PXMP2: variants seen among roughly 807,000 people sequenced by gnomAD.
PXMP2 encodes 22 kDa peroxisomal membrane protein.
Under a neutral mutation model 20.2 loss-of-function variants are expected in PXMP2, and 13 were observed. The observed-to-expected ratio is 0.64, with a 90% CI of 0.42 to 1.02. The LOEUF (loss-of-function observed/expected upper bound fraction) is 1.02. Among genes scored for constraint, PXMP2 ranks in the 50% least tolerant of loss-of-function variants. The pLI is 0.00. For synonymous variants in PXMP2, 113 were observed against 111.2 expected (o/e 1.02, Z -0.10); for missense variants, 284 against 251.8 (o/e 1.13, Z -0.87).
intron 2 of PXMP2, among the ~76,000 whole-genome samples, chr12:132,693,609 G>T (rs2043386824): frequency 1.5e-5 from 1 of 68,700 alleles, no homozygotes; most frequent in South Asian, 4.9e-4. Context: ...GTTAGTTAGT[G>T]AGCGCCCTTG....
intron 2 of PXMP2, among the ~76,000 whole-genome samples, chr12:132,693,011 T>TA (rs1377687984): frequency 1.3e-5 from 1 of 74,162 alleles, no homozygotes; most frequent in East Asian, 3.2e-4. Context: ...TGAGCGCCCT[T>TA]GCCAGTTAGT....
chr12:132,692,576 T>C, intron 2 of PXMP2, among the ~76,000 whole-genome samples: 1 of 133,148 alleles, frequency 7.5e-6, no homozygotes, highest in Non-Finnish European at 1.6e-5. Flanking sequence ...CCTTGCCAGT[T>C]AGTTAGTGAG....
intron 2 of PXMP2, 138 bp from the exon 3 acceptor site, chr12:132,695,746 T>C (rs553811926): frequency 1.6e-4 from 128 of 806,572 alleles, no homozygotes; most frequent in Non-Finnish European, 2.2e-4. Context: ...AGCCGACTTA[T>C]CTGTACAGAC....
At chr12:132,701,633 T>G (rs950429963) in intron 4 of PXMP2, 1 of 461,840 alleles carries the variant, frequency 2.2e-6, no homozygotes, top group African/African-American at 2.1e-5. Context: ...TTGCCTCTTC[T>G]GTTCGTTCAG....
rs541337342 is a variant in PXMP2, at chr12:132,702,972, T to C, written c.519+1603T>C. Among the ~76,000 whole-genome samples, 4 of 152,284 alleles carry C rather than the reference T, an allele frequency of 2.6e-5. No individual in the cohort carries two copies. In the East Asian group the frequency reaches 7.7e-4, roughly 29 times the overall value. On this transcript the variant is annotated intron_variant, in intron 4 of 4. Transcript: ENST00000317479. ...CACACAGACAGGACAAAGAGGCAGT[T>C]CACCCTTAGCCAAAGTTGCCAGGAG...
intron 3 of PXMP2, among the ~76,000 whole-genome samples, chr12:132,697,917 T>C (rs2043418983): frequency 1.3e-5 from 2 of 152,128 alleles, no homozygotes; most frequent in African/African-American, 2.4e-5. Flanking sequence ...GTGTCTGTTC[T>C]GACTGTCCCA....
intron 4 of PXMP2, 132 bp downstream of exon 4, chr12:132,701,501 C>A: frequency 7.8e-7 from 1 of 1,277,092 alleles, no homozygotes; most frequent in Non-Finnish European, 1.1e-6. Context: ...TAGTTTTCCG[C>A]TAGACTTAGT....
At position 132,704,739 on chromosome 12, in the gene PXMP2, A is replaced by C; in HGVS notation, c.*52A>C. 6.4e-7 allele frequency: 1 copy of C among 1,552,894 alleles called. No homozygotes were observed. ...CTGTGGACGTGGGTCTGGGGGTCTC[A>C]CCCGCCCAGCGAGAGCAGAACCAAT... On this transcript the variant is annotated 3_prime_UTR_variant, in exon 5 of 5. Transcript: ENST00000317479.
Position 132,687,724 on chromosome 12 carries a change from G to C in PXMP2, c.54G>C (p.Pro18=). The C allele has an allele frequency of 8.2e-7, 1 of 1,212,590 alleles. No individual in the cohort carries two copies. 75.1% of individuals were successfully genotyped at this position (1,212,590 alleles called of 1,614,324 possible). A position where few individuals can be genotyped will look rare whatever the true frequency, so the allele number is the denominator to read the frequency against. Residue 18 remains proline, a synonymous_variant, in exon 1 of 5, where the codon CCG becomes CCC. Coordinates refer to ENST00000317479, the MANE Select transcript of PXMP2 (RefSeq NM_018663.3). ...CCGAAGCCGGGCTCGGGGCGCTGCC[G>C]CGGCGGGCGCTCGCCCAGTACCTGC... ...LRAEAGLGAL[P]RRALAQYLLF... is the part of the protein sequence containing the mutation.
chr12:132,689,354 G>A (rs1039515993), intron 1 of PXMP2, among the ~76,000 whole-genome samples: 9 of 152,194 alleles, frequency 5.9e-5, no homozygotes, highest in African/African-American at 2.2e-4. Flanking sequence ...AGGTGACATT[G>A]AACAGGCTGT....
intron 2 of PXMP2, among the ~76,000 whole-genome samples, chr12:132,694,019 C>T (rs1178404066): frequency 1.8e-5 from 2 of 113,988 alleles, no homozygotes; most frequent in African/African-American, 6.2e-5. Context: ...GCTCCCTTAG[C>T]CAGTTAGTTA....
intron 3 of PXMP2, among the ~76,000 whole-genome samples, chr12:132,699,215 G>A (rs938960859): frequency 6.6e-6 from 1 of 152,022 alleles, no homozygotes; most frequent in Non-Finnish European, 1.5e-5. Context: ...CCAGGATGTC[G>A]AGACCAGCCT....
At chr12:132,702,895 G>C (rs2043450520) in intron 4 of PXMP2, among the ~76,000 whole-genome samples, 1 of 152,196 alleles carries the variant, frequency 6.6e-6, no homozygotes, top group Non-Finnish European at 1.5e-5. Flanking sequence ...CCCAGTGTGT[G>C]CACACTGCAC....
intron 2 of PXMP2, among the ~76,000 whole-genome samples, chr12:132,695,516 A>G (rs2043405311): frequency 6.6e-6 from 1 of 152,248 alleles, no homozygotes; most frequent in South Asian, 2.1e-4. Context: ...GACGAGAGGC[A>G]CAGACTAACC....
intron 2 of PXMP2, among the ~76,000 whole-genome samples, chr12:132,694,234 TAGTTAGTGAGCTCCCTTAGCC>T (rs1364456392): frequency 9.3e-6 from 1 of 107,280 alleles, no homozygotes; most frequent in South Asian, 3.9e-4. Context: ...CTTAGCCAGT[TAGTTAGTGAGCTCCCTTAGCC>T]AGTTAGTGAG....
rs938881831 is a variant in PXMP2 at position 132,704,939 on chromosome 12, T to C, written c.*252T>C. The C allele has an allele frequency of 1.8e-6, 1 of 556,634 alleles. No individual in the cohort carries two copies. Among genetic ancestry groups the C allele is most frequent in the Non-Finnish European group, 3.2e-6 (1 of 311,970 alleles). The allele number at this position is 556,634 out of a possible 1,614,324, so 34.5% of individuals were successfully genotyped here. On this transcript the variant is annotated 3_prime_UTR_variant, in exon 5 of 5. Coordinates refer to ENST00000317479, the MANE Select transcript of PXMP2 (RefSeq NM_018663.3). ...TAGTCGAGGCAGTTTCAATTGTTACTGTGGACCGAATTAGGATCACAATAA... is the reference window on the plus strand; with the variant it reads ...TAGTCGAGGCAGTTTCAATTGTTACCGTGGACCGAATTAGGATCACAATAA...
At chr12:132,700,848 C>CTTTTTTTTT (rs544795992) in intron 3 of PXMP2, among the ~76,000 whole-genome samples, 1 of 140,068 alleles carries the variant, frequency 7.1e-6, no homozygotes, top group Non-Finnish European at 1.5e-5. Flanking sequence ...TACTGGAGTC[C>CTTTTTTTTT]TTTTTTTTTT....
chr12:132,690,414 G>T (rs369338385), intron 2 of PXMP2, 38 bp downstream of exon 2: 9 of 1,519,078 alleles, frequency 5.9e-6, no homozygotes, highest in African/African-American at 2.8e-5. Context: ...CCTTGTAGCC[G>T]CTGAGTGCAA....
chr12:132,692,327 CAGTT>C lies in PXMP2; in HGVS notation c.236+1959_236+1962del, dbSNP rs1213200996. On this transcript the variant is annotated intron_variant, in intron 2 of 4. Transcript: ENST00000317479. Reference sequence around the variant, plus strand: ...CAGTTAATTAGTGAGCTCCCTTAGCCAGTTAGTTAGTGAGCGCCCTTAGCCAGTT... The same window carrying C: ...CAGTTAATTAGTGAGCTCCCTTAGCCAGTTAGTGAGCGCCCTTAGCCAGTT... Among the ~76,000 whole-genome samples the C allele has an allele frequency of 3.1e-5, 4 of 130,654 alleles. No individual in the cohort carries two copies. The East Asian group carries it at 6.6e-4, about 22-fold the overall frequency. 85.7% of individuals were successfully genotyped at this position (130,654 alleles called of 152,430 possible). A position where few individuals can be genotyped will look rare whatever the true frequency, so the allele number is the denominator to read the frequency against.
Sources: allele counts gnomAD v4.1 joint callset (sites outside exome capture counted in the v4.1 genomes callset), GRCh38; gene constraint gnomAD v4.1.1; transcripts MANE v1.5; gene names NCBI Gene and HGNC (gene_info 2026-07-23, HGNC 2026-07-21).